Variants in ELP4 observed in about 807,000 individuals in gnomAD.
The protein encoded by ELP4 is elongator acetyltransferase complex subunit 4, also known as elongator complex protein 4.
In ELP4, 51 loss-of-function variants were observed where a neutral mutation model predicts 48.9. That is an observed-to-expected ratio of 1.04 (90% CI 0.83 to 1.32). ELP4 has a LOEUF of 1.32. Among genes scored for constraint, ELP4 ranks in the 40% most tolerant of loss-of-function variants. The pLI is 0.00. For missense variants in ELP4, 519 were observed against 514.6 expected (o/e 1.01, Z -0.08); for synonymous variants, 210 against 189.2 (o/e 1.11, Z -0.90).
At chr11:31,529,360 C>T (rs1956355127) in intron 2 of ELP4, among the ~76,000 whole-genome samples, 1 of 152,110 alleles carries the variant, frequency 6.6e-6, no homozygotes, top group Non-Finnish European at 1.5e-5. Context: ...AGAACTAGCA[C>T]AGATACTTCC....
In ELP4 at chr11:31,687,352, A is replaced by G. The variant is rs77744958; in HGVS notation, c.1143+37131A>G. On this transcript the variant is annotated intron_variant, in intron 9 of 9. Transcript: ENST00000640961. ...TAGATTCAGAAGAGAAGAAGGCAGA[A>G]GAATCATGTGGAGTGGTCTCATGGA... Among the ~76,000 whole-genome samples the G allele has an allele frequency of 2.9e-3, 438 of 152,334 alleles. 23 individuals are homozygous for G. The East Asian group carries it at 0.077, about 27-fold the overall frequency.
intron 9 of ELP4, among the ~76,000 whole-genome samples, chr11:31,703,654 C>T (rs1488227764): frequency 6.6e-6 from 1 of 152,086 alleles, no homozygotes; most frequent in Non-Finnish European, 1.5e-5. Flanking sequence ...TACCTTACAC[C>T]TTAGTTGTGA....
chr11:31,742,405 GATACTCCTTCAGAAGAGCAGT>G (rs1947477062), intron 9 of ELP4, among the ~76,000 whole-genome samples: 2 of 152,276 alleles, frequency 1.3e-5, no homozygotes, highest in South Asian at 4.2e-4. Context: ...AAGCCACAAA[GATACTCCTTCAGAAGAGCAGT>G]ATGTCTCAAG....
At chr11:31,607,768 A>G (rs936247389) in intron 5 of ELP4, among the ~76,000 whole-genome samples, 6 of 152,228 alleles carry the variant, frequency 3.9e-5, no homozygotes, top group African/African-American at 1.4e-4. Context: ...CATGTTTATC[A>G]TAACAATAAC....
chr11:31,600,044 G>A (rs2133997279), intron 4 of ELP4: 1 of 152,242 alleles, frequency 6.6e-6, no homozygotes, highest in African/African-American at 2.4e-5. Context: ...TATCATAGAT[G>A]CCTTTTAAAA....
intron 9 of ELP4, among the ~76,000 whole-genome samples, chr11:31,694,766 A>C (rs1180934784): frequency 6.6e-6 from 1 of 152,104 alleles, no homozygotes; most frequent in African/African-American, 2.4e-5. Flanking sequence ...GGCCATTTTC[A>C]CGATATTGAT....
chr11:31,641,428 T>C (rs1485958126), intron 7 of ELP4, among the ~76,000 whole-genome samples: 1 of 151,854 alleles, frequency 6.6e-6, no homozygotes, highest in East Asian at 1.9e-4. Context: ...ATAAAAGCAA[T>C]GCTATATTTT....
At chr11:31,748,555 G>A (rs145638109) in intron 9 of ELP4, among the ~76,000 whole-genome samples, 2 of 152,072 alleles carry the variant, frequency 1.3e-5, no homozygotes, top group African/African-American at 4.8e-5. Context: ...GTAAACCAAG[G>A]TCTTATAGCA....
rs1171009926 is a variant in ELP4 at position 31,790,097 on chromosome 11, C to CAAAAAAAAAAAAAAAAAAAAAAA, written c.*6574_*6596dup. The CAAAAAAAAAAAAAAAAAAAAAAA allele has an allele frequency of 7.2e-6, 1 of 138,914 alleles. No individual in the cohort carries two copies. Among genetic ancestry groups the CAAAAAAAAAAAAAAAAAAAAAAA allele is most frequent in the Non-Finnish European group, 1.3e-5 (1 of 76,894 alleles). The allele number at this position is 138,914 out of a possible 1,614,324, so 8.6% of individuals were successfully genotyped here. ...CATGGAATACAAATTTATAGGTTTA[C>CAAAAAAAAAAAAAAAAAAAAAAA]AAAAAAAAAAAAAAAAAAAAAAACT... On this transcript the variant is annotated 3_prime_UTR_variant, in exon 10 of 10. Coordinates refer to ENST00000640961, the MANE Select transcript of ELP4 (RefSeq NM_019040.5).
intron 3 of ELP4, among the ~76,000 whole-genome samples, chr11:31,556,380 T>C (rs985383558): frequency 4.6e-5 from 7 of 151,938 alleles, no homozygotes; most frequent in Non-Finnish European, 1.0e-4. Flanking sequence ...GAATGTTTTA[T>C]AAAATAGTAA....
chr11:31,560,684 A>ATTGTTTTATATCTATATAAAACAACG (rs1957005157), intron 3 of ELP4, among the ~76,000 whole-genome samples: 1 of 108,802 alleles, frequency 9.2e-6, no homozygotes, highest in Non-Finnish European at 2.0e-5. Flanking sequence ...TAAAGACCAC[A>ATTGTTTTATATCTATATAAAACAACG]TTGTTTTATA....
chr11:31,649,944 T>A, intron 8 of ELP4, 171 bp from the exon 9 acceptor site: 1 of 426,564 alleles, frequency 2.3e-6, no homozygotes, highest in East Asian at 3.5e-5. Context: ...TCTGCTTGAT[T>A]ACTTGAGTAT....
At chr11:31,751,925 G>A (rs1385946840) in intron 9 of ELP4, among the ~76,000 whole-genome samples, 1 of 151,786 alleles carries the variant, frequency 6.6e-6, no homozygotes, top group East Asian at 1.9e-4. Flanking sequence ...CCACAAAAAA[G>A]GTACAAAATC....
intron 2 of ELP4, among the ~76,000 whole-genome samples, chr11:31,534,012 AT>A (rs35524885): frequency 2.0e-5 from 3 of 149,886 alleles, no homozygotes; most frequent in African/African-American, 7.4e-5. Context: ...ATGTTTTTGT[AT>A]TTTTTACTAG....
intron 3 of ELP4, among the ~76,000 whole-genome samples, chr11:31,578,000 A>G (rs1471783276): frequency 6.6e-6 from 1 of 152,196 alleles, no homozygotes; most frequent in African/African-American, 2.4e-5. Context: ...AGAGGAAGTC[A>G]TATTGTCTCT....
At chr11:31,741,671 C>T (rs7112789) in intron 9 of ELP4, among the ~76,000 whole-genome samples, 46,354 of 152,038 alleles carry the variant, frequency 0.3, 7,735 homozygotes, top group African/African-American at 0.45. Flanking sequence ...TCCAACAGAC[C>T]TACAGCTGAG....
chr11:31,615,425 C>T (rs1186244834), intron 5 of ELP4, among the ~76,000 whole-genome samples: 1 of 151,836 alleles, frequency 6.6e-6, no homozygotes, highest in Non-Finnish European at 1.5e-5. Context: ...CAGTAGCTGG[C>T]ATAGTAAAGG....
chr11:31,539,570 A>T, intron 2 of ELP4, 92 bp from the exon 3 acceptor site: 3 of 1,339,938 alleles, frequency 2.2e-6, no homozygotes, highest in East Asian at 2.4e-5. Context: ...AAGGAAAAAA[A>T]ATATAAAAAC....
intron 1 of ELP4, among the ~76,000 whole-genome samples, chr11:31,519,128 TAA>T (rs1407376989): frequency 6.6e-6 from 1 of 152,100 alleles, no homozygotes; most frequent in Non-Finnish European, 1.5e-5. Context: ...TTCAGATATT[TAA>T]AAGAACACTA....
Sources: allele counts gnomAD v4.1 joint callset (sites outside exome capture counted in the v4.1 genomes callset), GRCh38; gene constraint gnomAD v4.1.1; transcripts MANE v1.5; gene names NCBI Gene and HGNC (gene_info 2026-07-23, HGNC 2026-07-21).